The following CATSPERB variants were observed in gnomAD, a reference collection of about 807,000 sequenced individuals.
The protein encoded by CATSPERB is catsper channel auxiliary subunit beta.
In CATSPERB, 93 loss-of-function variants were observed where a neutral mutation model predicts 128.3. The observed-to-expected ratio is 0.72, with a 90% CI of 0.61 to 0.86. CATSPERB has a LOEUF of 0.86. Ranked by LOEUF, CATSPERB falls within the 40% of genes least tolerant of loss-of-function variation. The pLI is 0.00. For synonymous variants in CATSPERB, 381 were observed against 448.8 expected (o/e 0.85, Z 1.91); for missense variants, 1,153 against 1,329.5 (o/e 0.87, Z 2.06).
chr14:91,688,910 C>CA (rs1269691771), intron 10 of CATSPERB, among the ~76,000 whole-genome samples: 1 of 152,148 alleles, frequency 6.6e-6, no homozygotes, highest in Non-Finnish European at 1.5e-5. Context: ...TTGCCTTATC[C>CA]ACCAGCGACT....
intron 22 of CATSPERB, chr14:91,603,361 T>C (rs188508499): frequency 1.3e-4 from 204 of 1,609,764 alleles, no homozygotes; most frequent in Admixed American, 2.3e-4. Flanking sequence ...GGTAACTTTT[T>C]ACCTTTGCTA....
intron 17 of CATSPERB, among the ~76,000 whole-genome samples, chr14:91,634,272 A>G (rs898301652): frequency 2.0e-5 from 3 of 152,198 alleles, no homozygotes; most frequent in Admixed American, 2.0e-4. Flanking sequence ...GGATCATCAT[A>G]AAGATCTTCA....
chr14:91,640,996 G>T (rs1227683507), intron 15 of CATSPERB, among the ~76,000 whole-genome samples: 2 of 146,864 alleles, frequency 1.4e-5, no homozygotes, highest in African/African-American at 5.0e-5. Context: ...GTGATGATGA[G>T]CATTTTTTCA....
chr14:91,682,466 A>G (rs1175844872), intron 11 of CATSPERB, among the ~76,000 whole-genome samples: 1 of 152,158 alleles, frequency 6.6e-6, no homozygotes, highest in African/African-American at 2.4e-5. Flanking sequence ...AATGTAATCA[A>G]ACTCTTCAAC....
At chr14:91,717,755 A>T (rs1895966534) in intron 5 of CATSPERB, among the ~76,000 whole-genome samples, 1 of 152,204 alleles carries the variant, frequency 6.6e-6, no homozygotes, top group South Asian at 2.1e-4. Context: ...ATATACTCAT[A>T]ATACTCATAT....
chr14:91,648,932 C>T (rs1269921179), intron 15 of CATSPERB, among the ~76,000 whole-genome samples: 1 of 151,984 alleles, frequency 6.6e-6, no homozygotes, highest in African/African-American at 2.4e-5. Context: ...ACAATACATG[C>T]TACACCACAC....
chr14:91,592,095 GA>G (rs1455043391), intron 22 of CATSPERB, 93 bp from the exon 23 acceptor site: 3 of 821,818 alleles, frequency 3.7e-6, no homozygotes, highest in Admixed American at 4.1e-5. Context: ...ATTCCCTGAA[GA>G]AGTGGAATTC....
chr14:91,709,506 C>T (rs1291102658), intron 5 of CATSPERB: 11 of 93,986 alleles, frequency 1.2e-4, no homozygotes, highest in South Asian at 6.9e-4. Flanking sequence ...TGGTGAAGCC[C>T]GGTCTCTACT....
intron 20 of CATSPERB, among the ~76,000 whole-genome samples, chr14:91,615,588 G>A (rs1893921189): frequency 6.6e-6 from 1 of 152,144 alleles, no homozygotes; most frequent in Admixed American, 6.5e-5. Flanking sequence ...TTAGCATAAT[G>A]TTCCAATTCC....
chr14:91,720,605 T>C (rs1896011576), intron 4 of CATSPERB, among the ~76,000 whole-genome samples: 1 of 152,042 alleles, frequency 6.6e-6, no homozygotes, highest in South Asian at 2.1e-4. Context: ...TGGAGAGACA[T>C]CCACCCTGTT....
chr14:91,723,228 A>G, intron 3 of CATSPERB, 39 bp from the exon 4 acceptor site: 1 of 1,403,662 alleles, frequency 7.1e-7, no homozygotes, highest in Non-Finnish European at 9.3e-7. Flanking sequence ...ACTAATAACC[A>G]CTTGATGCAG....
chr14:91,685,861 A>T (rs1329759599), intron 10 of CATSPERB, among the ~76,000 whole-genome samples: 1 of 152,202 alleles, frequency 6.6e-6, no homozygotes, highest in Non-Finnish European at 1.5e-5. Flanking sequence ...AGGCAGGCAC[A>T]CTCAGGCTGA....
intron 22 of CATSPERB, among the ~76,000 whole-genome samples, chr14:91,596,430 C>T (rs927990379): frequency 6.6e-6 from 1 of 152,102 alleles, no homozygotes; most frequent in Non-Finnish European, 1.5e-5. Flanking sequence ...GTCTCAATCT[C>T]CTGACCTTGT....
At chr14:91,589,784 G>A (rs1316054956) in intron 23 of CATSPERB, 115 bp from the exon 24 acceptor site, 5 of 892,406 alleles carry the variant, frequency 5.6e-6, no homozygotes, top group South Asian at 1.7e-5. Flanking sequence ...AATGACATGT[G>A]CTCCTGAGGG....
chr14:91,604,301 G>A, intron 22 of CATSPERB: 1 of 717,682 alleles, frequency 1.4e-6, no homozygotes, highest in South Asian at 1.6e-5. Flanking sequence ...AGAACATGTG[G>A]TTTCCAAACA....
Position 91,704,574 on chromosome 14 carries a change from G to GA in CATSPERB, c.593dup (p.Ile199HisfsTer7). ...TACCATCAACTATTGTATCCACAATGAAGCCTAGTAATGCCACATCATTGG... is the reference window on the plus strand; with the variant it reads ...TACCATCAACTATTGTATCCACAATGAAAGCCTAGTAATGCCACATCATTGG... On this transcript the variant is annotated frameshift_variant, in exon 7 of 27. Coordinates refer to ENST00000256343, the MANE Select transcript of CATSPERB (RefSeq NM_024764.4). LOFTEE classifies it high-confidence loss of function. The GA allele has an allele frequency of 6.2e-7, 1 of 1,613,532 alleles. No individual in the cohort carries two copies.
chr14:91,649,637 C>G (rs569825403), intron 15 of CATSPERB, among the ~76,000 whole-genome samples: 1 of 133,796 alleles, frequency 7.5e-6, no homozygotes, highest in African/African-American at 2.8e-5. Context: ...GCTGGGATTA[C>G]AGACGCCCGC....
chr14:91,730,285 G>C (rs1471590853), intron 1 of CATSPERB, among the ~76,000 whole-genome samples: 1 of 152,114 alleles, frequency 6.6e-6, no homozygotes, highest in African/African-American at 2.4e-5. Flanking sequence ...GACACAGAGG[G>C]AAGACATTCA....
intron 9 of CATSPERB, 65 bp from the exon 10 acceptor site, chr14:91,691,620 T>C (rs1209093281): frequency 2.1e-5 from 25 of 1,203,346 alleles, no homozygotes; most frequent in Non-Finnish European, 2.9e-5. Context: ...AACATAGCAA[T>C]TTAAATTATA....
Sources: allele counts gnomAD v4.1 joint callset (sites outside exome capture counted in the v4.1 genomes callset), GRCh38; gene constraint gnomAD v4.1.1; transcripts MANE v1.5; gene names NCBI Gene and HGNC (gene_info 2026-07-23, HGNC 2026-07-21).